Variants in DAB1 observed in about 807,000 individuals in gnomAD.
The protein encoded by DAB1 is DAB adaptor protein 1, also known as disabled homolog 1.
Under a neutral mutation model 64.6 loss-of-function variants are expected in DAB1, and 15 were observed. That is an observed-to-expected ratio of 0.23 (90% CI 0.16 to 0.36). DAB1 has a LOEUF of 0.36. Ranked by LOEUF, DAB1 falls within the 10% of genes least tolerant of loss-of-function variation. The pLI, the probability that DAB1 is intolerant of heterozygous loss-of-function variation, is 1.00. For synonymous variants in DAB1, 235 were observed against 251.9 expected (o/e 0.93, Z 0.64); for missense variants, 596 against 706.7 (o/e 0.84, Z 1.78).
chr1:57,873,058 C>A (rs560288470), intron 1 of DAB1, among the ~76,000 whole-genome samples: 64 of 152,038 alleles, frequency 4.2e-4, no homozygotes, highest in African/African-American at 1.2e-3. Context: ...CAGATGGAGA[C>A]TGTAGAGGAA....
intron 3 of DAB1, among the ~76,000 whole-genome samples, chr1:58,486,614 C>T (rs531038392): frequency 6.6e-6 from 1 of 152,258 alleles, no homozygotes; most frequent in Admixed American, 6.5e-5. Flanking sequence ...AAAGGCCTTA[C>T]ACACTAGGGT....
chr1:57,794,534 C>G (rs1650751379), intron 6 of DAB1, among the ~76,000 whole-genome samples: 1 of 152,172 alleles, frequency 6.6e-6, no homozygotes, highest in African/African-American at 2.4e-5. Flanking sequence ...TTGGCACTCC[C>G]TCTTCTCTAA....
chr1:57,064,918 G>C (rs1650751978), intron 8 of DAB1, among the ~76,000 whole-genome samples: 1 of 152,126 alleles, frequency 6.6e-6, no homozygotes, highest in East Asian at 1.9e-4. Context: ...CAGAGTCCTT[G>C]TTAATGAGGG....
chr1:57,671,107 T>C (rs750264942), intron 6 of DAB1, among the ~76,000 whole-genome samples: 2 of 152,136 alleles, frequency 1.3e-5, no homozygotes, highest in African/African-American at 2.4e-5. Flanking sequence ...TTCCCCTGAA[T>C]AGCTTCAATC....
At chr1:57,039,433 CA>C (rs1647434180) in intron 9 of DAB1, among the ~76,000 whole-genome samples, 1 of 152,064 alleles carries the variant, frequency 6.6e-6, no homozygotes, top group Non-Finnish European at 1.5e-5. Flanking sequence ...CAGGTCATGG[CA>C]AAAATTTGGG....
intron 7 of DAB1, among the ~76,000 whole-genome samples, chr1:57,519,145 T>C (rs2101374868): frequency 6.6e-6 from 1 of 152,276 alleles, no homozygotes; most frequent in Admixed American, 6.5e-5. Flanking sequence ...TTACTTCGAG[T>C]CTCAGCAAAC....
At chr1:57,847,158 C>T (rs999917901) in intron 1 of DAB1, among the ~76,000 whole-genome samples, 1 of 152,138 alleles carries the variant, frequency 6.6e-6, no homozygotes, top group South Asian at 2.1e-4. Context: ...GACTTCCATG[C>T]TCAGTGGCCT....
chr1:57,344,191 CAA>C (rs1489990678), intron 1 of DAB1, among the ~76,000 whole-genome samples: 1 of 152,178 alleles, frequency 6.6e-6, no homozygotes, highest in African/African-American at 2.4e-5. Flanking sequence ...GATCAGATTC[CAA>C]AGTCTTTGCT....
intron 7 of DAB1, among the ~76,000 whole-genome samples, chr1:57,440,354 G>T (rs780580086): frequency 3.3e-5 from 5 of 152,198 alleles, no homozygotes; most frequent in Non-Finnish European, 7.3e-5. Flanking sequence ...AATGTTCAGG[G>T]TGATTCAGCC....
intron 5 of DAB1, among the ~76,000 whole-genome samples, chr1:57,998,150 G>C (rs1207208014): frequency 1.3e-5 from 2 of 152,132 alleles, no homozygotes; most frequent in African/African-American, 4.8e-5. Context: ...AGACAATGTA[G>C]TATAAACACA....
intron 6 of DAB1, among the ~76,000 whole-genome samples, chr1:57,711,176 AT>A (rs1230029756): frequency 6.6e-6 from 1 of 152,212 alleles, no homozygotes; most frequent in Non-Finnish European, 1.5e-5. Context: ...AGTTTTATCA[AT>A]GCAGCTGAAT....
At chr1:57,143,591 T>A (rs942394178) in intron 3 of DAB1, among the ~76,000 whole-genome samples, 1 of 152,120 alleles carries the variant, frequency 6.6e-6, no homozygotes, top group South Asian at 2.1e-4. Flanking sequence ...AAAGAAGACA[T>A]ATAAATGAAT....
At chr1:57,498,219 G>C (rs969061992) in intron 7 of DAB1, among the ~76,000 whole-genome samples, 1 of 152,178 alleles carries the variant, frequency 6.6e-6, no homozygotes, top group South Asian at 2.1e-4. Context: ...GGGACATTTA[G>C]ATGCAGATAT....
chr1:58,100,225 CTTA>C (rs1323347723), intron 5 of DAB1, among the ~76,000 whole-genome samples: 5 of 152,204 alleles, frequency 3.3e-5, no homozygotes, highest in African/African-American at 1.2e-4. Flanking sequence ...GAACTCTGTA[CTTA>C]TTAGAAAATA....
At chr1:57,595,669 T>G (rs1282849382) in intron 7 of DAB1, among the ~76,000 whole-genome samples, 1 of 149,780 alleles carries the variant, frequency 6.7e-6, no homozygotes, top group African/African-American at 2.5e-5. Flanking sequence ...ATAATCCCAG[T>G]GTTGGAGGTG....
intron 6 of DAB1, among the ~76,000 whole-genome samples, chr1:57,801,949 C>A (rs567580224): frequency 1.3e-5 from 2 of 152,182 alleles, no homozygotes; most frequent in Non-Finnish European, 2.9e-5. Context: ...TGAACCACTG[C>A]ACCGGGCAGA....
chr1:57,576,966 C>T (rs1402250756), intron 7 of DAB1, among the ~76,000 whole-genome samples: 3 of 152,176 alleles, frequency 2.0e-5, no homozygotes, highest in African/African-American at 7.2e-5. Context: ...CTACGTGAAC[C>T]TGACTTGAAA....
intron 5 of DAB1, among the ~76,000 whole-genome samples, chr1:57,984,254 AAGAAAG>A (rs1646154179): frequency 1.4e-5 from 2 of 143,400 alleles, no homozygotes; most frequent in African/African-American, 2.7e-5. Flanking sequence ...GAAAGAAAGA[AAGAAAG>A]AAAAAAAATT....
At chr1:57,773,772 T>C (rs1234774405) in intron 6 of DAB1, among the ~76,000 whole-genome samples, 4 of 152,138 alleles carry the variant, frequency 2.6e-5, no homozygotes, top group Admixed American at 6.6e-5. Context: ...TTTTCTCCCA[T>C]TGAAATGTTT....
Sources: gnomAD v4.1 joint callset for allele counts (sites outside exome capture counted in the v4.1 genomes callset) on GRCh38, gnomAD v4.1.1 for gene constraint, MANE v1.5 for transcripts, NCBI Gene and HGNC (gene_info 2026-07-23, HGNC 2026-07-21) for gene names.